The following KLHL3 variants were observed in gnomAD, a reference collection of about 807,000 sequenced individuals.
KLHL3 encodes kelch like family member 3, also known as kelch-like protein 3.
In KLHL3, 19 loss-of-function variants were observed where a neutral mutation model predicts 70.5. That is an observed-to-expected ratio of 0.27 (90% CI 0.19 to 0.40). The LOEUF (loss-of-function observed/expected upper bound fraction) is 0.40, where lower values mean the gene tolerates loss of function less well. Among genes scored for constraint, KLHL3 ranks in the 10% least tolerant of loss-of-function variants. KLHL3 has a pLI of 1.00. For synonymous variants in KLHL3, 258 were observed against 290.3 expected, an observed-to-expected ratio of 0.89 and a Z score of 1.13; for missense variants, 512 against 771.1, an observed-to-expected ratio of 0.66 and a Z score of 3.98.
chr5:137,629,772 C>T (rs1205001572), intron 12 of KLHL3: 1 of 152,018 alleles, frequency 6.6e-6, no homozygotes, highest in African/African-American at 2.4e-5. Flanking sequence ...CTCTCTCTAA[C>T]TGACAGGTTT....
chr5:137,631,371 T>C (rs935302875), intron 12 of KLHL3, among the ~76,000 whole-genome samples: 6 of 152,326 alleles, frequency 3.9e-5, no homozygotes, highest in East Asian at 1.9e-4. Flanking sequence ...TGACAAAAAG[T>C]AGAAGTGGAA....
intron 5 of KLHL3, among the ~76,000 whole-genome samples, chr5:137,684,895 A>G (rs916519827): frequency 3.9e-5 from 6 of 152,202 alleles, no homozygotes; most frequent in African/African-American, 1.4e-4. Context: ...AATAACATAT[A>G]TCATAGCAAA....
In KLHL3 at chr5:137,621,900, A is replaced by T; in HGVS notation, c.*198T>A. On this transcript the variant is annotated 3_prime_UTR_variant, in exon 15 of 15. Transcript: ENST00000309755. ...CCCCCTTGCTCAGGGCATAGGCCAG[A>T]GCACCTCAGGGGAACGGGGGTGGGT... 1.6e-6 allele frequency: 1 copy of T among 633,590 alleles called. No individual in the cohort carries two copies. The highest frequency in any genetic ancestry group is 2.9e-6 in the Non-Finnish European group (1 of 348,644). The allele number at this position is 633,590 out of a possible 1,614,324, so 39.2% of individuals were successfully genotyped here.
intron 2 of KLHL3, among the ~76,000 whole-genome samples, chr5:137,710,199 C>G (rs1752766193): frequency 6.6e-6 from 1 of 152,106 alleles, no homozygotes; most frequent in Non-Finnish European, 1.5e-5. Context: ...GTGGCAAAAG[C>G]TTGGGGCTGT....
At chr5:137,633,835 G>A (rs1185605813) in intron 12 of KLHL3, among the ~76,000 whole-genome samples, 2 of 152,190 alleles carry the variant, frequency 1.3e-5, no homozygotes, top group African/African-American at 4.8e-5. Flanking sequence ...GGAGGAGGGT[G>A]AAAGTTGAAA....
rs1580720416 is a variant in KLHL3 at position 137,633,918 on chromosome 5, A to C, written c.1450+119T>G. Reference sequence around the variant, plus strand: ...AGAAGCCCAAACTCGACCATTATGCAATATATCCATGTAACAAACCTGCAC... The same window carrying C: ...AGAAGCCCAAACTCGACCATTATGCCATATATCCATGTAACAAACCTGCAC... On this transcript the variant is annotated intron_variant, in intron 12 of 14. Coordinates refer to ENST00000309755, the MANE Select transcript of KLHL3 (RefSeq NM_017415.3). 1.5e-5 allele frequency: 19 copies of C among 1,298,468 alleles called. No homozygotes were observed. The East Asian group carries it at 4.4e-4, about 30-fold the overall frequency. The allele number at this position is 1,298,468 out of a possible 1,614,324, so 80.4% of individuals were successfully genotyped here.
intron 11 of KLHL3, 64 bp downstream of exon 11, chr5:137,637,230 C>A: frequency 7.5e-7 from 1 of 1,337,952 alleles, no homozygotes; most frequent in Non-Finnish European, 1.1e-6. Context: ...AAGCATGATG[C>A]TGGACCCAGG....
At chr5:137,716,256 C>T (rs1205882388) in intron 2 of KLHL3, among the ~76,000 whole-genome samples, 1 of 151,370 alleles carries the variant, frequency 6.6e-6, no homozygotes, top group East Asian at 1.9e-4. Flanking sequence ...CACTATGTTG[C>T]CCAGGCTGGC....
intron 8 of KLHL3, among the ~76,000 whole-genome samples, chr5:137,647,866 T>G (rs1020970647): frequency 2.6e-5 from 4 of 152,160 alleles, no homozygotes; most frequent in African/African-American, 9.7e-5. Context: ...CCAAATATAG[T>G]ATCAGCCCAG....
chr5:137,690,621 G>T (rs773107771), intron 5 of KLHL3, among the ~76,000 whole-genome samples: 20 of 152,180 alleles, frequency 1.3e-4, no homozygotes, highest in Non-Finnish European at 2.6e-4. Context: ...CAAGTCTTCA[G>T]AAAGAAGACT....
intron 1 of KLHL3, among the ~76,000 whole-genome samples, chr5:137,727,397 G>A (rs916454312): frequency 3.1e-4 from 47 of 152,070 alleles, no homozygotes; most frequent in African/African-American, 1.1e-3. Flanking sequence ...AGACTCCAGA[G>A]GGACTTTTCC....
chr5:137,660,672 T>A (rs1231872412), intron 7 of KLHL3: 1 of 152,116 alleles, frequency 6.6e-6, no homozygotes, highest in Non-Finnish European at 1.5e-5. Context: ...AGCAGACGAG[T>A]TTACAAGTGC....
intron 1 of KLHL3, among the ~76,000 whole-genome samples, chr5:137,731,647 C>A (rs562344258): frequency 2.6e-5 from 4 of 152,282 alleles, no homozygotes; most frequent in African/African-American, 4.8e-5. Context: ...TCTGAGGACA[C>A]CTCACACAAA....
At chr5:137,725,108 C>T (rs1753065907) in intron 1 of KLHL3, 2 of 963,134 alleles carry the variant, frequency 2.1e-6, no homozygotes, top group Non-Finnish European at 2.5e-6. Context: ...CCCATCCCCA[C>T]CCTATCAAGT....
Position 137,681,583 on chromosome 5 carries a change from C to T in KLHL3, c.527-3929G>A, listed in dbSNP as rs756109342. 1.1e-4 allele frequency among the ~76,000 whole-genome samples: 17 copies of T among 152,066 alleles called. 1 individual carries two copies. The highest frequency in any genetic ancestry group is 8.8e-5 in the Non-Finnish European group (6 of 68,026). On this transcript the variant is annotated intron_variant, in intron 5 of 14. Transcript: ENST00000309755. The stretch of plus-strand genomic sequence containing the variant: ...GGAGCTCTGCAGGCTCTTGGAGATG[C>T]AATGGAGAGGCAGACAAGGCTAGAT...
intron 1 of KLHL3, among the ~76,000 whole-genome samples, chr5:137,735,121 G>A (rs1377418643): frequency 2.0e-5 from 3 of 152,140 alleles, no homozygotes; most frequent in Non-Finnish European, 4.4e-5. Flanking sequence ...GTGTATACAG[G>A]CATACACGGC....
At chr5:137,638,756 A>C (rs566750702) in intron 10 of KLHL3, among the ~76,000 whole-genome samples, 197 bp downstream of exon 10, 2 of 152,338 alleles carry the variant, frequency 1.3e-5, no homozygotes, top group South Asian at 4.1e-4. Flanking sequence ...AGCCTAGTAC[A>C]TGGGTAGTTA....
intron 2 of KLHL3, among the ~76,000 whole-genome samples, chr5:137,719,441 C>A (rs1752955953): frequency 6.6e-6 from 1 of 152,194 alleles, no homozygotes; most frequent in Non-Finnish European, 1.5e-5. Context: ...AACAATTACA[C>A]CTCACAACAG....
In KLHL3 at chr5:137,639,088, G is replaced by T; in HGVS notation, c.1084C>A (p.Arg362=). The T allele has an allele frequency of 6.2e-7, 1 of 1,614,046 alleles. No homozygotes were observed. The highest frequency in any genetic ancestry group is 1.7e-5 in the Admixed American group (1 of 60,012). Residue 362 remains arginine, a synonymous_variant, in exon 10 of 15, where the codon CGG becomes AGG. Transcript: ENST00000309755. This position sits in a 1 kb window ranked among gnomAD's most constrained non-coding sequence, Gnocchi z 5.0. The part of the protein sequence containing the change: ...VGGFNGSLRV[R]TVDVYDGVKD... The stretch of plus-strand genomic sequence containing the variant: ...ACGCCGTCATACACATCCACTGTCC[G>T]CACCCGCAGTGAGCCATTAAACCCT...
Sources: gnomAD v4.1 joint callset for allele counts (sites outside exome capture counted in the v4.1 genomes callset) on GRCh38, gnomAD v4.1.1 for gene constraint, Gnocchi (gnomAD v3.1) non-coding constraint, MANE v1.5 for transcripts, NCBI Gene and HGNC (gene_info 2026-07-23, HGNC 2026-07-21) for gene names.